The following LRRC4B variants were observed in gnomAD, a reference collection of about 807,000 sequenced individuals.
The protein encoded by LRRC4B is leucine-rich repeat-containing protein 4B.
Under a neutral mutation model 7.3 loss-of-function variants are expected in LRRC4B, and 1 was observed. The ratio of observed to expected loss-of-function variants is 0.14; its 90% CI spans 0.05 to 0.65. LRRC4B has a LOEUF of 0.65. LRRC4B is among the 30% of genes least tolerant of loss of function. The pLI, the probability that LRRC4B is intolerant of heterozygous loss-of-function variation, is 0.84. For missense variants in LRRC4B, 730 were observed against 1,041.6 expected (o/e 0.70, Z 4.12); for synonymous variants, 500 against 499.2 (o/e 1.00, Z -0.02).
chr19:50,559,129 AAAAG>A (rs1982382195), intron 1 of LRRC4B, among the ~76,000 whole-genome samples: 1 of 152,214 alleles, frequency 6.6e-6, no homozygotes, highest in South Asian at 2.1e-4. Flanking sequence ...AAAAAAAAGA[AAAAG>A]AAAAAGAAAA....
intron 2 of LRRC4B, among the ~76,000 whole-genome samples, chr19:50,541,190 AAAAAGAAAAG>A (rs545699363): frequency 6.7e-6 from 1 of 150,270 alleles, no homozygotes; most frequent in African/African-American, 2.5e-5. Flanking sequence ...TCTCAAAAAA[AAAAAGAAAAG>A]AAAAGAAAAG....
chr19:50,538,862 C>CCCGGCCAGGTT (rs1297773247), intron 2 of LRRC4B, among the ~76,000 whole-genome samples: 1 of 150,750 alleles, frequency 6.6e-6, no homozygotes, highest in African/African-American at 2.4e-5. Context: ...AGCCACCGTG[C>CCCGGCCAGGTT]TGGGATTACA....
Position 50,560,111 on chromosome 19 carries a change from G to C in LRRC4B, c.-36+7833C>G, listed in dbSNP as rs532939238. Among the ~76,000 whole-genome samples the C allele has an allele frequency of 1.6e-4, 24 of 152,244 alleles. No homozygotes were observed. In the South Asian group the frequency reaches 4.8e-3, roughly 30 times the overall value. On this transcript the variant is annotated intron_variant, in intron 1 of 2. Coordinates refer to ENST00000652263, the MANE Select transcript of LRRC4B (RefSeq NM_001080457.2). ...GATCGCACCACTGTACTCCAGCCTC[G>C]GTGACAGAGTGAGATTCTGTCTCAA...
rs564944202 is a variant in LRRC4B at position 50,533,802 on chromosome 19, C to T, written c.298-14387G>A. On this transcript the variant is annotated intron_variant, in intron 2 of 2. Coordinates refer to ENST00000652263, the MANE Select transcript of LRRC4B (RefSeq NM_001080457.2). The stretch of plus-strand genomic sequence containing the variant: ...GGGTTATCAAGCACATACCCCTGCT[C>T]CCTTCATATCTGGTGGTTCATAGCT... Among the ~76,000 whole-genome samples the T allele has an allele frequency of 7.2e-5, 11 of 152,308 alleles. No individual in the cohort carries two copies. The South Asian group carries it at 2.3e-3, about 32-fold the overall frequency.
chr19:50,535,578 ATT>A (rs1462830971), intron 2 of LRRC4B, among the ~76,000 whole-genome samples: 2 of 152,244 alleles, frequency 1.3e-5, no homozygotes, highest in African/African-American at 4.8e-5. Flanking sequence ...AAAAACCGTT[ATT>A]TGTCACATCA....
intron 1 of LRRC4B, among the ~76,000 whole-genome samples, chr19:50,559,510 C>A (rs1187998775): frequency 2.0e-5 from 3 of 152,244 alleles, no homozygotes; most frequent in African/African-American, 2.4e-5. Context: ...CGGCTTAACA[C>A]CCCTGAACTG....
At chr19:50,534,941 T>C (rs1372843978) in intron 2 of LRRC4B, among the ~76,000 whole-genome samples, 1 of 152,202 alleles carries the variant, frequency 6.6e-6, no homozygotes, top group Admixed American at 6.5e-5. Context: ...CGATCTCAGC[T>C]CACTGCAACC....
At chr19:50,546,471 G>A (rs1344198728) in intron 2 of LRRC4B, among the ~76,000 whole-genome samples, 1 of 152,138 alleles carries the variant, frequency 6.6e-6, no homozygotes, top group Non-Finnish European at 1.5e-5. Context: ...ATCCACTCTC[G>A]TGGACTGGAC....
chr19:50,534,653 C>T (rs939071956), intron 2 of LRRC4B, among the ~76,000 whole-genome samples: 2 of 152,150 alleles, frequency 1.3e-5, no homozygotes, highest in Non-Finnish European at 2.9e-5. Context: ...CTTCTAACCC[C>T]GATGGGGACT....
intron 2 of LRRC4B, among the ~76,000 whole-genome samples, chr19:50,531,301 G>A (rs1180229797): frequency 6.6e-6 from 1 of 152,256 alleles, no homozygotes; most frequent in Non-Finnish European, 1.5e-5. Flanking sequence ...GCCGGTCCCG[G>A]GGAGCGTGCA....
chr19:50,536,172 C>T (rs867056199), intron 2 of LRRC4B, among the ~76,000 whole-genome samples: 33 of 151,358 alleles, frequency 2.2e-4, no homozygotes, highest in Non-Finnish European at 3.2e-4. Context: ...CTCGCTCTGT[C>T]GCCCAGGCTG....
In LRRC4B at chr19:50,548,801, G is replaced by A. The variant is rs529928778; in HGVS notation, c.38C>T (p.Pro13Leu). The change falls in exon 2 of 3, where the codon CCG becomes CTG. Residue 13 changes from proline to leucine, a missense_variant. Physicochemically the swap from Pro to Leu is moderately conservative, Grantham distance 98. Around this residue, in one of 6 missense-constraint regions of LRRC4B, gnomAD observed 143 missense variants for 158.4 expected, o/e 0.90. Coordinates refer to ENST00000652263, the MANE Select transcript of LRRC4B (RefSeq NM_001080457.2). The surrounding 1 kb of genome is among the most constrained non-coding windows in gnomAD (Gnocchi z 6.8). ...GTGGGGCCAGGACATCCTACCGGGC[G>A]GCAGCGGGGGGCACGGGGAGCCGCG... ...RARGSPCPPL[P>L]PGRMSWPHGA... is the part of the protein sequence containing the mutation. 173 of 1,511,468 alleles carry A rather than the reference G, an allele frequency of 1.1e-4. No homozygotes were observed. In the East Asian group the frequency reaches 2.9e-3, roughly 25 times the overall value. The allele number at this position is 1,511,468 out of a possible 1,614,324, so 93.6% of individuals were successfully genotyped here.
chr19:50,517,899 A>G lies in LRRC4B; in HGVS notation c.1814T>C (p.Leu605Pro), dbSNP rs1980360732. 2.5e-6 allele frequency: 4 copies of G among 1,588,550 alleles called. No homozygotes were observed. The highest frequency in any genetic ancestry group is 3.4e-6 in the Non-Finnish European group (4 of 1,171,742). The change falls in exon 3 of 3, where the codon CTC (leucine) becomes CCC (proline). Residue 605 changes from leucine to proline, a missense_variant. By Grantham distance (98) the Leu-to-Pro change is moderately conservative. Coordinates refer to ENST00000652263, the MANE Select transcript of LRRC4B (RefSeq NM_001080457.2). This position sits in a 1 kb window ranked among gnomAD's most constrained non-coding sequence, Gnocchi z 6.6. ...AFYKLRKQHQLHKHHGPTRTV... is the reference protein window; with the variant it reads ...AFYKLRKQHQPHKHHGPTRTV... ...GCGCGTGGGCCCGTGGTGCTTGTGGAGCTGGTGCTGCTTGCGCAGCTTGTA... is the reference window on the plus strand; with the variant it reads ...GCGCGTGGGCCCGTGGTGCTTGTGGGGCTGGTGCTGCTTGCGCAGCTTGTA...
intron 2 of LRRC4B, among the ~76,000 whole-genome samples, chr19:50,530,209 C>T (rs868558408): frequency 3.9e-5 from 6 of 152,180 alleles, no homozygotes; most frequent in African/African-American, 1.2e-4. Flanking sequence ...TCTCTGGGGT[C>T]CTGCTATGCC....
Position 50,518,441 on chromosome 19 carries a change from G to C in LRRC4B, c.1272C>G (p.Thr424=). The part of the protein sequence containing the change: ...SVLHDGTLNF[T]NVTVQDTGQY... ...GGCCCGTGTCCTGCACGGTGACGTT[G>C]GTGAAGTTAAGCGTGCCGTCATGCA... The change falls in exon 3 of 3, where the codon ACC becomes ACG. Residue 424 remains threonine, a synonymous_variant. Transcript: ENST00000652263. The C allele has an allele frequency of 6.4e-7, 1 of 1,552,716 alleles. No homozygotes were observed.
intron 1 of LRRC4B, among the ~76,000 whole-genome samples, chr19:50,565,593 C>T (rs1312189248): frequency 1.3e-5 from 2 of 151,656 alleles, no homozygotes; most frequent in African/African-American, 4.8e-5. Flanking sequence ...CCTCCACGTG[C>T]CCCGTGTCTT....
chr19:50,568,434 C>T lies in LRRC4B; in HGVS notation c.-526G>A, dbSNP rs1982721215. On this transcript the variant is annotated 5_prime_UTR_variant, in exon 1 of 3. Transcript: ENST00000652263. ...GAGCGGCGGAGACGGGAGCGGAATACTGATGATGGTGGGAGCGGGCGGGCG... is the reference window on the plus strand; with the variant it reads ...GAGCGGCGGAGACGGGAGCGGAATATTGATGATGGTGGGAGCGGGCGGGCG... Among the ~76,000 whole-genome samples, 1 of 137,268 alleles carries T rather than the reference C, an allele frequency of 7.3e-6. No homozygotes were observed. Among genetic ancestry groups the T allele is most frequent in the African/African-American group, 2.7e-5 (1 of 36,398 alleles). The allele number at this position is 137,268 out of a possible 152,430, so 90.1% of individuals were successfully genotyped here.
intron 1 of LRRC4B, among the ~76,000 whole-genome samples, chr19:50,558,964 G>T (rs765262678): frequency 6.6e-5 from 10 of 152,234 alleles, no homozygotes; most frequent in African/African-American, 2.4e-4. Context: ...CCAGGCCTGC[G>T]CTGCGGGAGC....
Position 50,517,799 on chromosome 19 carries a change from C to T in LRRC4B, c.1914G>A (p.Val638=), listed in dbSNP as rs763373956. The T allele has an allele frequency of 6.6e-7, 1 of 1,505,282 alleles. No individual in the cohort carries two copies. Among genetic ancestry groups the T allele is most frequent in the Middle Eastern group, 1.9e-4 (1 of 5,334 alleles). 93.2% of individuals were successfully genotyped at this position (1,505,282 alleles called of 1,614,324 possible). A position where few individuals can be genotyped will look rare whatever the true frequency, so the allele number is the denominator to read the frequency against. The change falls in exon 3 of 3, where the codon GTG becomes GTA. Residue 638 remains valine, a synonymous_variant. Coordinates refer to ENST00000652263, the MANE Select transcript of LRRC4B (RefSeq NM_001080457.2). The surrounding 1 kb of genome is among the most constrained non-coding windows in gnomAD (Gnocchi z 6.6). The part of the protein sequence containing the change: ...SAVSVAAAAA[V]ASGGGVGGDS... ...CCCCGCCCACACCACCCCCACTGGC[C>T]ACGGCGGCCGCGGCGGCCACGGACA...
Sources: gnomAD v4.1 joint callset for allele counts (sites outside exome capture counted in the v4.1 genomes callset) on GRCh38, gnomAD v4.1.1 for gene constraint, gnomAD v4.1.1 regional missense constraint, Gnocchi (gnomAD v3.1) non-coding constraint, MANE v1.5 for transcripts, NCBI Gene and HGNC (gene_info 2026-07-23, HGNC 2026-07-21) for gene names.